Variants in ZFYVE9 observed in about 807,000 individuals in gnomAD.
The protein encoded by ZFYVE9 is zinc finger FYVE-type containing 9.
Under a neutral mutation model 126.7 loss-of-function variants are expected in ZFYVE9, and 43 were observed. The observed-to-expected ratio is 0.34, with a 90% CI of 0.27 to 0.44. The LOEUF (loss-of-function observed/expected upper bound fraction) is 0.44. ZFYVE9 is among the 20% of genes least tolerant of loss of function. ZFYVE9 has a pLI of 1.00. For missense variants in ZFYVE9, 1,476 were observed against 1,697.0 expected, an observed-to-expected ratio of 0.87 and a Z score of 2.29; for synonymous variants, 521 against 597.4, an observed-to-expected ratio of 0.87 and a Z score of 1.87.
At chr1:52,210,946 C>T (rs778663331) in intron 1 of ZFYVE9, among the ~76,000 whole-genome samples, 8 of 152,164 alleles carry the variant, frequency 5.3e-5, no homozygotes, top group Non-Finnish European at 1.2e-4. Context: ...TGAGCCACCG[C>T]CCCTGGCCAG....
intron 2 of ZFYVE9, among the ~76,000 whole-genome samples, chr1:52,218,994 G>T (rs1469774846): frequency 1.3e-5 from 2 of 152,142 alleles, no homozygotes; most frequent in East Asian, 3.8e-4. Flanking sequence ...TGAGGGGGTG[G>T]TTCCTTTGGT....
chr1:52,198,277 C>A (rs1644883970), intron 1 of ZFYVE9, among the ~76,000 whole-genome samples: 1 of 151,666 alleles, frequency 6.6e-6, no homozygotes, highest in African/African-American at 2.4e-5. Flanking sequence ...ACCCAACCAC[C>A]ACGCTCAGAA....
intron 2 of ZFYVE9, among the ~76,000 whole-genome samples, chr1:52,217,581 C>T (rs1016623458): frequency 1.3e-5 from 2 of 152,126 alleles, no homozygotes; most frequent in African/African-American, 2.4e-5. Context: ...GGTTAACCCA[C>T]GAATACAAGG....
At chr1:52,278,819 C>T (rs1427283023) in intron 9 of ZFYVE9, among the ~76,000 whole-genome samples, 4 of 151,432 alleles carry the variant, frequency 2.6e-5, no homozygotes, top group Non-Finnish European at 4.4e-5. Context: ...CTCCACCTCC[C>T]GGGTTCACGC....
chr1:52,182,207 TGAG>T (rs1195700747), intron 1 of ZFYVE9, among the ~76,000 whole-genome samples: 4 of 150,722 alleles, frequency 2.7e-5, no homozygotes, highest in Non-Finnish European at 5.9e-5. Context: ...TACTGGGAAG[TGAG>T]GAGCCCCTCT....
At chr1:52,315,655 A>G (rs1646176580) in intron 13 of ZFYVE9, among the ~76,000 whole-genome samples, 1 of 152,214 alleles carries the variant, frequency 6.6e-6, no homozygotes, top group Non-Finnish European at 1.5e-5. Flanking sequence ...TATCTAATCA[A>G]CAAAAATAAT....
intron 11 of ZFYVE9, among the ~76,000 whole-genome samples, chr1:52,295,401 C>G (rs1344221382): frequency 6.6e-6 from 1 of 151,852 alleles, no homozygotes; most frequent in African/African-American, 2.4e-5. Context: ...ATTCTGTCAC[C>G]AAGGCTGGAG....
intron 1 of ZFYVE9, among the ~76,000 whole-genome samples, chr1:52,172,487 C>CT (rs1487616759): frequency 1.3e-5 from 2 of 152,146 alleles, no homozygotes; most frequent in African/African-American, 2.4e-5. Context: ...GATTCGGGCT[C>CT]TTTTTTGGTT....
intron 9 of ZFYVE9, among the ~76,000 whole-genome samples, chr1:52,280,000 G>A (rs1438206606): frequency 6.6e-6 from 1 of 152,028 alleles, no homozygotes; most frequent in African/African-American, 2.4e-5. Context: ...ATTAATGCTT[G>A]CTACCTTCTA....
At position 52,280,378 on chromosome 1, in the gene ZFYVE9, T is replaced by TA. The variant is rs11342176; in HGVS notation, c.2870-1267dup. 5.4e-3 allele frequency among the ~76,000 whole-genome samples: 765 copies of TA among 140,972 alleles called. 1 individual carries two copies. The highest frequency in any genetic ancestry group is 7.3e-3 in the Admixed American group (102 of 13,928). 92.5% of individuals were successfully genotyped at this position (140,972 alleles called of 152,430 possible). A position where few individuals can be genotyped will look rare whatever the true frequency, so the allele number is the denominator to read the frequency against. ...CTGAATGACAGAGTGAGACCCTGTTTAAAAAAAAAAAAAAAATTAGCTAAC... is the reference window on the plus strand; with the variant it reads ...CTGAATGACAGAGTGAGACCCTGTTTAAAAAAAAAAAAAAAAATTAGCTAAC... On this transcript the variant is annotated intron_variant, in intron 9 of 18. Transcript: ENST00000287727.
Position 52,237,961 on chromosome 1 carries a change from A to T in ZFYVE9, c.544A>T (p.Ser182Cys), listed in dbSNP as rs1234019077. The T allele has an allele frequency of 1.1e-5, 18 of 1,614,096 alleles. No individual in the cohort carries two copies. The highest frequency in any genetic ancestry group is 1.5e-5 in the Non-Finnish European group (18 of 1,179,980). ...TAGTCAATCCCTTATGGATGCTTTT[A>T]GCTGTTCACTGGATAATGAAAACAG... is the stretch of plus-strand genomic sequence containing the variant. ...YNSQSLMDAF[S>C]CSLDNENRQT... is the part of the protein sequence containing the mutation. The change falls in exon 4 of 19, where the codon AGC (serine) becomes TGC (cysteine). Residue 182 changes from serine to cysteine, a missense_variant. Transcript: ENST00000287727.
At chr1:52,187,399 G>A (rs1330231101) in intron 1 of ZFYVE9, among the ~76,000 whole-genome samples, 1 of 152,192 alleles carries the variant, frequency 6.6e-6, no homozygotes, top group African/African-American at 2.4e-5. Context: ...TTTGGACATA[G>A]GAACTGGCAA....
chr1:52,223,996 A>G (rs1645147657), intron 2 of ZFYVE9, among the ~76,000 whole-genome samples: 1 of 152,022 alleles, frequency 6.6e-6, no homozygotes, highest in South Asian at 2.1e-4. Context: ...CTGCGATTCC[A>G]AAAGGGTCGT....
At chr1:52,152,171 G>C (rs1010972959) in intron 1 of ZFYVE9, among the ~76,000 whole-genome samples, 2 of 151,812 alleles carry the variant, frequency 1.3e-5, no homozygotes, top group African/African-American at 4.8e-5. Context: ...TGTATTTTTA[G>C]TAGAGATGGG....
chr1:52,243,034 C>G (rs1468842004), intron 4 of ZFYVE9, among the ~76,000 whole-genome samples: 1 of 152,160 alleles, frequency 6.6e-6, no homozygotes, highest in African/African-American at 2.4e-5. Flanking sequence ...TTGAGATTGC[C>G]TCTGATTTGT....
At chr1:52,255,820 A>C (rs184771384) in intron 4 of ZFYVE9, among the ~76,000 whole-genome samples, 1 of 151,938 alleles carries the variant, frequency 6.6e-6, no homozygotes, top group Non-Finnish European at 1.5e-5. Flanking sequence ...GCATCACTGC[A>C]CTCTAGTCTG....
chr1:52,195,878 C>T (rs540190214), intron 1 of ZFYVE9, among the ~76,000 whole-genome samples: 9 of 151,996 alleles, frequency 5.9e-5, no homozygotes, highest in East Asian at 5.8e-4. Context: ...CTGCAGCCTC[C>T]GCATCATGGG....
intron 1 of ZFYVE9, among the ~76,000 whole-genome samples, chr1:52,146,226 A>T (rs569998836): frequency 6.6e-6 from 1 of 152,180 alleles, no homozygotes; most frequent in Admixed American, 6.5e-5. Flanking sequence ...GCCATTTTAT[A>T]TAAGGGATTT....
chr1:52,309,412 G>C (rs574767521), intron 13 of ZFYVE9, among the ~76,000 whole-genome samples: 1 of 152,170 alleles, frequency 6.6e-6, no homozygotes, highest in Non-Finnish European at 1.5e-5. Context: ...CCAGGAAGTC[G>C]AGACTGCAGT....
Sources: gnomAD v4.1 joint callset for allele counts (sites outside exome capture counted in the v4.1 genomes callset) on GRCh38, gnomAD v4.1.1 for gene constraint, MANE v1.5 for transcripts, NCBI Gene and HGNC (gene_info 2026-07-23, HGNC 2026-07-21) for gene names.